Variants in PAN2 observed in about 807,000 individuals in gnomAD.
The protein encoded by PAN2 is poly(A) specific ribonuclease subunit PAN2, also known as PAN2-PAN3 deadenylation complex catalytic subunit PAN2.
PAN2 carries 68 observed loss-of-function variants against 133.3 expected under a neutral mutation model. That is an observed-to-expected ratio of 0.51 (90% CI 0.42 to 0.62). PAN2 has a LOEUF of 0.62. Among genes scored for constraint, PAN2 ranks in the 20% least tolerant of loss-of-function variants. PAN2 has a pLI of 0.00. For missense variants in PAN2, 1,042 were observed against 1,500.5 expected (o/e 0.69, Z 5.05); for synonymous variants, 462 against 544.6 (o/e 0.85, Z 2.11).
intron 20 of PAN2, among the ~76,000 whole-genome samples, chr12:56,321,123 C>T (rs1481596074): frequency 6.6e-6 from 1 of 151,618 alleles, no homozygotes; most frequent in African/African-American, 2.4e-5. Flanking sequence ...CTGGTGCAAT[C>T]ATGGCTCACT....
chr12:56,319,343 C>T lies in PAN2; in HGVS notation c.3235G>A (p.Gly1079Ser). The T allele has an allele frequency of 6.2e-7, 1 of 1,614,120 alleles. No homozygotes were observed. Among genetic ancestry groups the T allele is most frequent in the Non-Finnish European group, 8.5e-7 (1 of 1,180,000 alleles). The change falls in exon 23 of 26, where the codon GGC becomes AGC. Residue 1079 changes from glycine to serine, a missense_variant. Physicochemically the swap from Gly to Ser is moderately conservative, Grantham distance 56. Transcript: ENST00000440411. This position sits in a 1 kb window ranked among gnomAD's most constrained non-coding sequence, Gnocchi z 5.4. Reference sequence around the variant, plus strand: ...ATGACCCGGAAGTCCTTCTGCAGGCCATGACCCACAAACTTGACTCCAATG... The same window carrying T: ...ATGACCCGGAAGTCCTTCTGCAGGCTATGACCCACAAACTTGACTCCAATG... ...IDIGVKFVGH[G>S]LQKDFRVINL...
rs775299925 is a variant in PAN2, at chr12:56,322,671, CT to C, written c.2580del (p.Gly862AlafsTer46). On this transcript the variant is annotated frameshift_variant, in exon 18 of 26. Transcript: ENST00000440411. LOFTEE classifies it high-confidence loss of function. The stretch of plus-strand genomic sequence containing the variant: ...TTGATGTGAGCCACCAGGCTGCCCC[CT>C]GTGCGTGAGTCCAGGATGTGTACCA... Reference protein sequence around the residue: ...ATVVHILDSRTGGSLVAHIKV... With the variant: ...ATVVHILDSRXGGSLVAHIKV... The C allele has an allele frequency of 1.9e-6, 3 of 1,614,104 alleles. No individual in the cohort carries two copies. The African/African-American group carries it at 4.0e-5, about 22-fold the overall frequency.
chr12:56,318,899 G>A (rs1874198056), intron 24 of PAN2, among the ~76,000 whole-genome samples, 189 bp downstream of exon 24: 1 of 152,088 alleles, frequency 6.6e-6, no homozygotes, highest in Non-Finnish European at 1.5e-5. Context: ...ATGTCCATAT[G>A]TACTCATTGT....
chr12:56,326,770 C>T lies in PAN2; in HGVS notation c.1109G>A (p.Arg370His), dbSNP rs11558142. 3.5e-5 allele frequency: 57 copies of T among 1,614,052 alleles called. No individual in the cohort carries two copies. Among genetic ancestry groups the T allele is most frequent in the Admixed American group, 2.2e-4 (13 of 59,996 alleles). ...SPEPSFNPYS[R>H]ETEFALPCLV... ...ACACGGCAAAGCAAACTCAGTCTCA[C>T]GGGAGTAGGGGTTGAAGGAAGGCTC... Residue 370 changes from arginine (R) to histidine (H), a missense_variant, in exon 7 of 26, where the codon CGT becomes CAT. Around this residue, in one of 3 missense-constraint regions of PAN2, gnomAD observed 908 missense variants for 1,223.5 expected, o/e 0.74. Transcript: ENST00000440411.
At chr12:56,325,544 G>T in intron 8 of PAN2, 90 bp from the exon 9 acceptor site, 2 of 1,388,172 alleles carry the variant, frequency 1.4e-6, no homozygotes, top group Non-Finnish European at 2.0e-6. Flanking sequence ...CAGCCACCAA[G>T]TCCTGAACCT....
chr12:56,322,684 C>T lies in PAN2; in HGVS notation c.2568G>A (p.Leu856=), dbSNP rs767844857. Residue 856 remains leucine (L), a synonymous_variant, in exon 18 of 26, where the codon CTG becomes CTA. Transcript: ENST00000440411. ...CCAGGCTGCCCCCTGTGCGTGAGTC[C>T]AGGATGTGTACCACAGTAGCCATCA... ...YDLMATVVHI[L]DSRTGGSLVA... The T allele has an allele frequency of 6.2e-7, 1 of 1,614,182 alleles. No individual in the cohort carries two copies. Among genetic ancestry groups the T allele is most frequent in the Non-Finnish European group, 8.5e-7 (1 of 1,180,044 alleles).
intron 24 of PAN2, 120 bp from the exon 25 acceptor site, chr12:56,318,554 A>G: frequency 1.4e-6 from 1 of 690,594 alleles, no homozygotes; most frequent in East Asian, 2.6e-5. Context: ...GAAAATTGTC[A>G]GACATCTTCC....
chr12:56,323,254 G>A (rs776669461), intron 16 of PAN2, 45 bp from the exon 17 acceptor site: 26 of 1,613,894 alleles, frequency 1.6e-5, no homozygotes, highest in Non-Finnish European at 1.6e-5. Flanking sequence ...AAGAGGTCTT[G>A]ATAAGAGGAA....
intron 20 of PAN2, among the ~76,000 whole-genome samples, chr12:56,321,063 CAA>C (rs757641992): frequency 2.5e-4 from 15 of 59,352 alleles, no homozygotes; most frequent in Admixed American, 9.3e-4. Flanking sequence ...AAACTCTGTC[CAA>C]AAAAAAAAAA....
At chr12:56,322,383 A>G in intron 19 of PAN2, 40 bp downstream of exon 19, 2 of 1,509,402 alleles carry the variant, frequency 1.3e-6, no homozygotes, top group Non-Finnish European at 9.2e-7. Flanking sequence ...TGCTAGGAAA[A>G]GGGGAAATGA....
chr12:56,317,752 C>T, intron 25 of PAN2, 109 bp from the exon 26 acceptor site: 1 of 879,320 alleles, frequency 1.1e-6, no homozygotes, highest in Non-Finnish European at 1.9e-6. Flanking sequence ...TGGACCTTCC[C>T]TGAACATTTT....
chr12:56,317,249 C>T lies in PAN2; in HGVS notation c.*360G>A. 3.7e-6 allele frequency: 1 copy of T among 271,142 alleles called. No individual in the cohort carries two copies. Among genetic ancestry groups the T allele is most frequent in the Non-Finnish European group, 7.1e-6 (1 of 140,170 alleles). 16.8% of individuals were successfully genotyped at this position (271,142 alleles called of 1,614,324 possible). The stretch of plus-strand genomic sequence containing the variant: ...TACTGTGGTATCCTCTGTCACTGTC[C>T]AGGACTTCAATCCCTAGCCAGCTAG... On this transcript the variant is annotated 3_prime_UTR_variant, in exon 26 of 26. Coordinates refer to ENST00000440411, the MANE Select transcript of PAN2 (RefSeq NM_014871.6).
At chr12:56,327,917 G>T in intron 5 of PAN2, 78 bp downstream of exon 5, 1 of 1,598,104 alleles carries the variant, frequency 6.3e-7, no homozygotes, top group South Asian at 1.1e-5. Flanking sequence ...ACACCCCAGA[G>T]TTAAGGGAAA....
Position 56,324,169 on chromosome 12 carries a change from C to T in PAN2, c.1945G>A (p.Gly649Arg). 6.2e-7 allele frequency: 1 copy of T among 1,613,934 alleles called. No individual in the cohort carries two copies. The highest frequency in any genetic ancestry group is 1.1e-5 in the South Asian group (1 of 91,082). ...AAGAGCTGCCCAATAACAGAGTCCCCCGATGAGCAAAAGCTGCTAAGAGTG... is the reference window on the plus strand; with the variant it reads ...AAGAGCTGCCCAATAACAGAGTCCCTCGATGAGCAAAAGCTGCTAAGAGTG... Reference protein sequence around the residue: ...GAGGSSFCSSGDSVIGQLFSC... With the variant: ...GAGGSSFCSSRDSVIGQLFSC... Residue 649 changes from glycine to arginine, a missense_variant, in exon 13 of 26, where the codon GGG (glycine) becomes AGG (arginine). Gly to Arg is a moderately radical substitution (Grantham distance 125, BLOSUM62 -2). Transcript: ENST00000440411.
chr12:56,325,369 G>C lies in PAN2; in HGVS notation c.1445C>G (p.Pro482Arg). 2 of 1,614,142 alleles carry C rather than the reference G, an allele frequency of 1.2e-6. No homozygotes were observed. The highest frequency in any genetic ancestry group is 1.7e-6 in the Non-Finnish European group (2 of 1,179,998). The change falls in exon 9 of 26, where the codon CCA becomes CGA. Residue 482 changes from proline to arginine, a missense_variant. This residue lies in a region of PAN2 where 908 missense variants were observed against 1,223.5 expected (regional missense o/e 0.74). Transcript: ENST00000440411. The stretch of plus-strand genomic sequence containing the variant: ...TTTCTTAGAAACCATGTGGAGATGT[G>C]GTTCCTCTTCTCGTCCTACTGGTGA... ...TESPVGREEE[P>R]HLHMVSKKYR... is the part of the protein sequence containing the mutation.
chr12:56,321,041 G>A (rs1238254988), intron 20 of PAN2, among the ~76,000 whole-genome samples: 1 of 148,424 alleles, frequency 6.7e-6, no homozygotes, highest in East Asian at 2.0e-4. Flanking sequence ...TCCAGCCTGG[G>A]TGACAAGAGT....
chr12:56,327,906 T>A (rs1875299481), intron 5 of PAN2, 89 bp downstream of exon 5: 1 of 1,578,518 alleles, frequency 6.3e-7, no homozygotes, highest in Non-Finnish European at 8.6e-7. Context: ...CCAATCCAAC[T>A]ACACCCCAGA....
chr12:56,324,265 C>A, intron 12 of PAN2, 29 bp downstream of exon 12: 1 of 1,612,054 alleles, frequency 6.2e-7, no homozygotes, highest in East Asian at 2.2e-5. Flanking sequence ...GTCATGATGG[C>A]TTTAACTATT....
chr12:56,332,941 G>A lies in PAN2; in HGVS notation c.154C>T (p.Gln52Ter). The A allele has an allele frequency of 2.5e-6, 4 of 1,614,178 alleles. No individual in the cohort carries two copies. The highest frequency in any genetic ancestry group is 3.4e-6 in the Non-Finnish European group (4 of 1,180,038). Residue 52 changes from glutamine to a stop codon, truncating the protein, a stop_gained, in exon 2 of 26, where the codon CAG becomes TAG. Coordinates refer to ENST00000440411, the MANE Select transcript of PAN2 (RefSeq NM_014871.6). LOFTEE classifies it high-confidence loss of function. ...EGVALEALPV[Q>*]ESVHIMEGVY... ...CCTTCCATTATGTGCACTGATTCCTGGACGGGAAGAGCCTCCAAGGCCACT... is the reference window on the plus strand; with the variant it reads ...CCTTCCATTATGTGCACTGATTCCTAGACGGGAAGAGCCTCCAAGGCCACT...
Sources: allele counts gnomAD v4.1 joint callset (sites outside exome capture counted in the v4.1 genomes callset), GRCh38; gene constraint gnomAD v4.1.1; regional missense constraint gnomAD v4.1.1; non-coding constraint Gnocchi (gnomAD v3.1); transcripts MANE v1.5; gene names NCBI Gene and HGNC (gene_info 2026-07-23, HGNC 2026-07-21).